Variants in ANO3 observed in about 807,000 individuals in gnomAD.
ANO3 encodes the protein anoctamin 3, also known as anoctamin-3.
A neutral mutation model predicts 144.8 loss-of-function variants in ANO3; 99 were observed. The ratio of observed to expected loss-of-function variants is 0.68; its 90% confidence interval spans 0.58 to 0.81. The LOEUF (loss-of-function observed/expected upper bound fraction) is 0.81. Among genes scored for constraint, ANO3 ranks in the 30% least tolerant of loss-of-function variants. The probability of loss-of-function intolerance (pLI) is 0.00; values close to 1 mark genes in which losing one functional copy is unlikely to be tolerated. For synonymous variants in ANO3, 414 were observed against 392.6 expected (o/e 1.05, Z -0.64); for missense variants, 905 against 1,202.2 (o/e 0.75, Z 3.66).
intron 1 of ANO3, among the ~76,000 whole-genome samples, chr11:26,364,208 A>G (rs1426898066): frequency 6.6e-6 from 1 of 152,170 alleles, no homozygotes; most frequent in Non-Finnish European, 1.5e-5. Context: ...TTTTAGTTCC[A>G]TATAGAATGG....
At chr11:26,314,294 T>C (rs1187423305) in intron 1 of ANO3, among the ~76,000 whole-genome samples, 4 of 152,238 alleles carry the variant, frequency 2.6e-5, no homozygotes, top group Non-Finnish European at 5.9e-5. Flanking sequence ...TCCAGCTGCA[T>C]GATTTTACAT....
intron 1 of ANO3, among the ~76,000 whole-genome samples, chr11:26,417,809 G>C (rs1020908809): frequency 6.6e-6 from 1 of 151,770 alleles, no homozygotes; most frequent in South Asian, 2.1e-4. Context: ...AAGAGTAGGT[G>C]GCTAATAATA....
intron 20 of ANO3, among the ~76,000 whole-genome samples, chr11:26,637,268 T>C (rs867824930): frequency 1.3e-5 from 2 of 152,178 alleles, no homozygotes; most frequent in Non-Finnish European, 1.5e-5. Flanking sequence ...GCCTATCCTT[T>C]GTGGGTAGCG....
At position 26,537,453 on chromosome 11, in the gene ANO3, C is replaced by T. The variant is rs1479119473; in HGVS notation, c.1024C>T (p.Pro342Ser). The change falls in exon 10 of 27, where the codon CCA becomes TCA. Residue 342 changes from proline to serine, a missense_variant. Coordinates refer to ENST00000256737, the MANE Select transcript of ANO3 (RefSeq NM_031418.4). ...NNGSYIAAFPPHEGAYKSSQP... is the reference protein window; with the variant it reads ...NNGSYIAAFPSHEGAYKSSQP... ...TGGCTCATACATAGCAGCGTTTCCACCACATGAGGTAATTTTGAAATACAG... is the reference window on the plus strand; with the variant it reads ...TGGCTCATACATAGCAGCGTTTCCATCACATGAGGTAATTTTGAAATACAG... 1 of 1,613,076 alleles carries T rather than the reference C, an allele frequency of 6.2e-7. No homozygotes were observed. Among genetic ancestry groups the T allele is most frequent in the South Asian group, 1.1e-5 (1 of 91,058 alleles).
chr11:26,365,969 TATATATATATATATATATATATATATATA>T lies in ANO3; in HGVS notation c.46+33649_46+33677del, dbSNP rs1564984782. Reference sequence around the variant, plus strand: ...CATTTTTTCTTTATATATATATATATATATATATATATATATATATATATATATATATATTTTAATTATACTTTAAGTTC... The same window carrying T: ...CATTTTTTCTTTATATATATATATATTATATTTTAATTATACTTTAAGTTC... On this transcript the variant is annotated intron_variant, in intron 1 of 26. Coordinates refer to ENST00000256737, the MANE Select transcript of ANO3 (RefSeq NM_031418.4). Among the ~76,000 whole-genome samples, 4 of 6,180 alleles carry T rather than the reference TATATATATATATATATATATATATATATA, an allele frequency of 6.5e-4. No individual in the cohort carries two copies. The Admixed American group carries it at 9.4e-3, about 14-fold the overall frequency. The allele number at this position is 6,180 out of a possible 152,430, so 4.1% of individuals were successfully genotyped here.
intron 1 of ANO3, among the ~76,000 whole-genome samples, chr11:26,219,467 T>C (rs1481840430): frequency 1.3e-5 from 2 of 152,130 alleles, no homozygotes; most frequent in South Asian, 4.1e-4. Context: ...TTCATTATGG[T>C]TAAGTAAACA....
intron 4 of ANO3, among the ~76,000 whole-genome samples, chr11:26,503,414 G>T (rs1045686404): frequency 3.3e-5 from 5 of 151,988 alleles, no homozygotes; most frequent in African/African-American, 1.2e-4. Flanking sequence ...TAAAGCAATA[G>T]GTTTGAACAT....
Position 26,542,075 on chromosome 11 carries a change from C to A in ANO3, c.1154+7C>A, listed in dbSNP as rs766874900. 1 of 1,604,496 alleles carries A rather than the reference C, an allele frequency of 6.2e-7. No homozygotes were observed. The highest frequency in any genetic ancestry group is 8.5e-7 in the Non-Finnish European group (1 of 1,176,254). ...AGCCTCTGGATTTAATCAGGTACTGCAAATGGAACAATAATGAAAAGCAAA... is the reference window on the plus strand; with the variant it reads ...AGCCTCTGGATTTAATCAGGTACTGAAAATGGAACAATAATGAAAAGCAAA... On this transcript the variant is annotated splice_region_variant and intron_variant, in intron 11 of 26. Coordinates refer to ENST00000256737, the MANE Select transcript of ANO3 (RefSeq NM_031418.4).
At chr11:26,218,571 T>C (rs1852080025) in intron 1 of ANO3, among the ~76,000 whole-genome samples, 1 of 152,156 alleles carries the variant, frequency 6.6e-6, no homozygotes, top group African/African-American at 2.4e-5. Context: ...TACCAATGTT[T>C]ATCTTACTGC....
At chr11:26,245,018 T>C (rs12280855) in intron 1 of ANO3, among the ~76,000 whole-genome samples, 5,417 of 145,370 alleles carry the variant, frequency 0.037, 297 homozygotes, top group African/African-American at 0.11. Flanking sequence ...TGTGTGTGTG[T>C]GTGCATGCAT....
At chr11:26,302,795 C>T (rs974096161) in intron 1 of ANO3, among the ~76,000 whole-genome samples, 2 of 152,008 alleles carry the variant, frequency 1.3e-5, no homozygotes, top group African/African-American at 2.4e-5. Context: ...AATTATGATG[C>T]TATCACGCAA....
intron 1 of ANO3, among the ~76,000 whole-genome samples, chr11:26,409,522 G>C (rs1857378450): frequency 6.6e-6 from 1 of 151,850 alleles, no homozygotes; most frequent in Middle Eastern, 3.2e-3. Flanking sequence ...GCCTTATACA[G>C]TTTCGTGACC....
chr11:26,577,705 G>A (rs746355207), intron 14 of ANO3, among the ~76,000 whole-genome samples: 2 of 152,146 alleles, frequency 1.3e-5, no homozygotes, highest in Admixed American at 6.5e-5. Flanking sequence ...ATGTTAATGT[G>A]CATGAGTACA....
intron 4 of ANO3, among the ~76,000 whole-genome samples, chr11:26,465,266 A>G (rs1283983106): frequency 7.3e-6 from 1 of 137,528 alleles, no homozygotes; most frequent in Non-Finnish European, 1.6e-5. Flanking sequence ...GTTCAAATGA[A>G]CCTATTTAGA....
rs370286011 is a variant in ANO3, at chr11:26,286,399, A to C, written c.155-23246A>C. 3.2e-4 allele frequency among the ~76,000 whole-genome samples: 49 copies of C among 152,330 alleles called. 1 individual carries two copies. Among genetic ancestry groups the C allele is most frequent in the African/African-American group, 1.1e-3 (47 of 41,568 alleles). ...CAAAATCATGTTGGAAAAATGTTTA[A>C]ATTTCAGATGCTCAGGCATCCAGTT... is the stretch of plus-strand genomic sequence containing the variant. On this transcript the variant is annotated intron_variant, in intron 1 of 27. Transcript: ENST00000672621.
At chr11:26,275,313 C>T (rs1379133190) in intron 1 of ANO3, among the ~76,000 whole-genome samples, 2 of 152,030 alleles carry the variant, frequency 1.3e-5, no homozygotes, top group Non-Finnish European at 2.9e-5. Flanking sequence ...AAAATAAAGA[C>T]ATATTTCATT....
At chr11:26,594,592 G>A (rs1341329468) in intron 14 of ANO3, among the ~76,000 whole-genome samples, 2 of 152,090 alleles carry the variant, frequency 1.3e-5, no homozygotes, top group African/African-American at 4.8e-5. Flanking sequence ...CTTGGAGGGG[G>A]CGTAATCGGG....
At chr11:26,460,646 G>T (rs1320216450) in intron 3 of ANO3, among the ~76,000 whole-genome samples, 4 of 151,912 alleles carry the variant, frequency 2.6e-5, no homozygotes, top group Non-Finnish European at 5.9e-5. Flanking sequence ...CTTTCCTCCA[G>T]CAAGATGATG....
At chr11:26,549,370 C>G (rs1001583446) in intron 12 of ANO3, among the ~76,000 whole-genome samples, 4 of 151,940 alleles carry the variant, frequency 2.6e-5, no homozygotes, top group Admixed American at 2.0e-4. Context: ...AATTTGGGGA[C>G]TGAAATTTTC....
Sources: allele counts gnomAD v4.1 joint callset (sites outside exome capture counted in the v4.1 genomes callset), GRCh38; gene constraint gnomAD v4.1.1; transcripts MANE v1.5; gene names NCBI Gene and HGNC (gene_info 2026-07-23, HGNC 2026-07-21).